Variants in ADGRL3 observed in about 807,000 individuals in gnomAD.
ADGRL3 encodes calcium-independent alpha-latrotoxin receptor 3.
In ADGRL3, 62 loss-of-function variants were observed where a neutral mutation model predicts 153.5. That is an observed-to-expected ratio of 0.40 (90% CI 0.33 to 0.50). ADGRL3 has a LOEUF of 0.50. Ranked by LOEUF, ADGRL3 falls within the 20% of genes least tolerant of loss-of-function variation. The pLI is 0.47. For synonymous variants in ADGRL3, 710 were observed against 672.5 expected, an observed-to-expected ratio of 1.06 and a Z score of -0.86; for missense variants, 1,641 against 1,859.4, an observed-to-expected ratio of 0.88 and a Z score of 2.16.
chr4:61,392,237 T>C (rs2096816767), intron 2 of ADGRL3, among the ~76,000 whole-genome samples: 1 of 152,062 alleles, frequency 6.6e-6, no homozygotes, highest in Non-Finnish European at 1.5e-5. Context: ...TTTGTCTTGT[T>C]TCCTATCGTA....
At chr4:61,658,101 G>A (rs1013300762) in intron 5 of ADGRL3, among the ~76,000 whole-genome samples, 1 of 152,104 alleles carries the variant, frequency 6.6e-6, no homozygotes, top group African/African-American at 2.4e-5. Context: ...TTCTTCATGG[G>A]TTGCACCACC....
At chr4:61,780,231 A>G (rs963897207) in intron 8 of ADGRL3, among the ~76,000 whole-genome samples, 1 of 152,200 alleles carries the variant, frequency 6.6e-6, no homozygotes, top group Non-Finnish European at 1.5e-5. Flanking sequence ...GACAGAGAAG[A>G]GCAGCCGCCT....
intron 6 of ADGRL3, among the ~76,000 whole-genome samples, chr4:61,719,488 A>G (rs966548564): frequency 1.3e-5 from 2 of 152,216 alleles, no homozygotes; most frequent in African/African-American, 4.8e-5. Context: ...CATGATTAAT[A>G]AAACATGATT....
At chr4:61,233,994 T>C (rs1751814318) in intron 1 of ADGRL3, among the ~76,000 whole-genome samples, 1 of 151,806 alleles carries the variant, frequency 6.6e-6, no homozygotes. Flanking sequence ...TATGAAAAAA[T>C]TGATGGGAAA....
intron 1 of ADGRL3, among the ~76,000 whole-genome samples, chr4:61,330,641 A>G (rs945680272): frequency 6.6e-6 from 1 of 152,142 alleles, no homozygotes; most frequent in Non-Finnish European, 1.5e-5. Flanking sequence ...TGAGTGTTAC[A>G]GCTCTTAAAG....
At chr4:62,030,212 A>T (rs1560527370) in intron 22 of ADGRL3, among the ~76,000 whole-genome samples, 1 of 151,654 alleles carries the variant, frequency 6.6e-6, no homozygotes, top group Non-Finnish European at 1.5e-5. Flanking sequence ...GTTCTCTCTA[A>T]AAAACAAATT....
intron 1 of ADGRL3, among the ~76,000 whole-genome samples, chr4:61,222,399 A>G (rs1343417617): frequency 1.3e-5 from 2 of 152,178 alleles, no homozygotes; most frequent in African/African-American, 4.8e-5. Flanking sequence ...TAGCATATCC[A>G]TCATCTCAAA....
intron 2 of ADGRL3, among the ~76,000 whole-genome samples, chr4:61,414,522 G>A (rs1189062987): frequency 1.3e-5 from 2 of 151,984 alleles, no homozygotes; most frequent in African/African-American, 4.8e-5. Flanking sequence ...AGTTACTTCA[G>A]ATAACATGAT....
At chr4:61,987,683 C>A (rs2099090594) in intron 19 of ADGRL3, among the ~76,000 whole-genome samples, 1 of 152,094 alleles carries the variant, frequency 6.6e-6, no homozygotes, top group Non-Finnish European at 1.5e-5. Flanking sequence ...CAACTATTTT[C>A]TTTAAATTAT....
intron 8 of ADGRL3, among the ~76,000 whole-genome samples, chr4:61,791,771 TCTTGA>T (rs988903940): frequency 1.3e-5 from 2 of 152,178 alleles, no homozygotes; most frequent in Non-Finnish European, 2.9e-5. Context: ...AAACCCCAAT[TCTTGA>T]CTTATCTGGA....
chr4:61,563,813 C>A (rs1041722530), intron 4 of ADGRL3, among the ~76,000 whole-genome samples: 1 of 151,976 alleles, frequency 6.6e-6, no homozygotes, highest in Non-Finnish European at 1.5e-5. Flanking sequence ...ATTGAGACCA[C>A]CCTGGCCAAC....
chr4:61,762,999 C>A (rs2096930933), intron 8 of ADGRL3, among the ~76,000 whole-genome samples: 1 of 151,994 alleles, frequency 6.6e-6, no homozygotes, highest in African/African-American at 2.4e-5. Flanking sequence ...CTGGAACAAC[C>A]AGTCATTCTA....
At chr4:61,775,405 TG>T in intron 8 of ADGRL3, 2 of 490,508 alleles carry the variant, frequency 4.1e-6, no homozygotes, top group Non-Finnish European at 7.5e-6. Context: ...TCTTTCTTTG[TG>T]TGTGTGTGTG....
Position 61,575,207 on chromosome 4 carries a change from C to T in ADGRL3, c.260-12020C>T, listed in dbSNP as rs2098865649. ...TTTCTCCTTCAATAACTTATTGATTCAAGTAAATGTCTGTTTTTAATAATA... is the reference window on the plus strand; with the variant it reads ...TTTCTCCTTCAATAACTTATTGATTTAAGTAAATGTCTGTTTTTAATAATA... On this transcript the variant is annotated intron_variant, in intron 4 of 26. Coordinates refer to ENST00000683033, the MANE Select transcript of ADGRL3 (RefSeq NM_001387552.1). Among the ~76,000 whole-genome samples, 3 of 152,024 alleles carry T rather than the reference C, an allele frequency of 2.0e-5. 1 individual carries two copies. The South Asian group carries it at 6.2e-4, about 32-fold the overall frequency.
intron 9 of ADGRL3, among the ~76,000 whole-genome samples, chr4:61,862,024 A>C (rs1057382807): frequency 1.3e-5 from 2 of 152,182 alleles, no homozygotes; most frequent in Non-Finnish European, 2.9e-5. Flanking sequence ...ATAGCTTTGC[A>C]AGTCATATAG....
intron 1 of ADGRL3, among the ~76,000 whole-genome samples, chr4:61,371,032 A>G (rs1360903497): frequency 1.3e-5 from 2 of 151,314 alleles, no homozygotes; most frequent in Non-Finnish European, 3.0e-5. Flanking sequence ...AATCTGTTTT[A>G]TCAGAGACTA....
chr4:61,760,488 T>A (rs927043206), intron 8 of ADGRL3, among the ~76,000 whole-genome samples: 10 of 152,186 alleles, frequency 6.6e-5, no homozygotes, highest in Non-Finnish European at 1.2e-4. Context: ...TGGTGTGCCA[T>A]TTGCTAAGAC....
At chr4:61,209,726 G>T (rs1739019421) in intron 1 of ADGRL3, among the ~76,000 whole-genome samples, 3 of 152,000 alleles carry the variant, frequency 2.0e-5, no homozygotes, top group Admixed American at 2.0e-4. Context: ...AAATATTTTT[G>T]ACATCCACCA....
chr4:61,242,422 C>G (rs1013537917), intron 1 of ADGRL3, among the ~76,000 whole-genome samples: 10 of 152,084 alleles, frequency 6.6e-5, no homozygotes, highest in African/African-American at 1.9e-4. Flanking sequence ...CACAAGGAAG[C>G]CTGTTAGCTG....
Sources: gnomAD v4.1 joint callset for allele counts (sites outside exome capture counted in the v4.1 genomes callset) on GRCh38, gnomAD v4.1.1 for gene constraint, MANE v1.5 for transcripts, NCBI Gene and HGNC (gene_info 2026-07-23, HGNC 2026-07-21) for gene names.